The following YBX1 variants were observed in gnomAD, a reference collection of about 807,000 sequenced individuals.
YBX1 encodes the protein Y-box binding protein 1.
A neutral mutation model predicts 41.4 loss-of-function variants in YBX1; 3 were observed. The observed-to-expected ratio is 0.07, with a 90% CI of 0.03 to 0.19. The LOEUF is 0.19. Among genes scored for constraint, YBX1 ranks in the 10% least tolerant of loss-of-function variants. The pLI is 1.00. For missense variants in YBX1, 274 were observed against 462.8 expected, an observed-to-expected ratio of 0.59 and a Z score of 3.74; for synonymous variants, 133 against 165.8, an observed-to-expected ratio of 0.80 and a Z score of 1.52.
At chr1:42,695,580 C>A (rs192957080) in intron 3 of YBX1, among the ~76,000 whole-genome samples, 4 of 152,188 alleles carry the variant, frequency 2.6e-5, no homozygotes, top group Non-Finnish European at 5.9e-5. Flanking sequence ...GTAGAAGCAA[C>A]AAGTCTCTAA....
chr1:42,692,673 C>A (rs533309834), intron 2 of YBX1, among the ~76,000 whole-genome samples: 1 of 152,224 alleles, frequency 6.6e-6, no homozygotes, highest in Non-Finnish European at 1.5e-5. Flanking sequence ...CTTTTTCTCA[C>A]TCTGACCTGA....
chr1:42,683,898 A>T (rs1650126124), intron 2 of YBX1, among the ~76,000 whole-genome samples: 1 of 152,134 alleles, frequency 6.6e-6, no homozygotes, highest in African/African-American at 2.4e-5. Context: ...AGAGGATTTG[A>T]CTATATGAGG....
chr1:42,690,319 A>G (rs1006420343), intron 2 of YBX1, among the ~76,000 whole-genome samples: 3 of 151,512 alleles, frequency 2.0e-5, no homozygotes, highest in Admixed American at 6.6e-5. Context: ...TTTTAACACC[A>G]TATTTAAGTT....
Position 42,703,256 on chromosome 1 carries a change from A to G in YBX1, c.*1307A>G, listed in dbSNP as rs528394387. On this transcript the variant is annotated 3_prime_UTR_variant, in exon 8 of 8. Transcript: ENST00000321358. ...CTTTTGTTTTCTAATGTTTTGTTAGATGTTCTTTGGCTTGCTTTGTGAAAT... is the reference window on the plus strand; with the variant it reads ...CTTTTGTTTTCTAATGTTTTGTTAGGTGTTCTTTGGCTTGCTTTGTGAAAT... Among the ~76,000 whole-genome samples the G allele has an allele frequency of 4.6e-5, 7 of 152,074 alleles. No individual in the cohort carries two copies. Among genetic ancestry groups the G allele is most frequent in the African/African-American group, 1.7e-4 (7 of 41,484 alleles).
chr1:42,696,496 T>C lies in YBX1; in HGVS notation c.355-146T>C. 1.0e-6 allele frequency: 1 copy of C among 977,264 alleles called. No individual in the cohort carries two copies. Among genetic ancestry groups the C allele is most frequent in the Admixed American group, 2.9e-5 (1 of 34,196 alleles). 60.5% of individuals were successfully genotyped at this position (977,264 alleles called of 1,614,324 possible). A position where few individuals can be genotyped will look rare whatever the true frequency, so the allele number is the denominator to read the frequency against. On this transcript the variant is annotated intron_variant, in intron 4 of 7. Coordinates refer to ENST00000321358, the MANE Select transcript of YBX1 (RefSeq NM_004559.5). This position sits in a 1 kb window ranked among gnomAD's most constrained non-coding sequence, Gnocchi z 5.7. ...ATATTTAGTCATTTCTGTGCACCCCTGGTCACGCAGTTGCGCCCCCCCCCC... is the reference window on the plus strand; with the variant it reads ...ATATTTAGTCATTTCTGTGCACCCCCGGTCACGCAGTTGCGCCCCCCCCCC...
chr1:42,682,977 C>G (rs918770499), intron 1 of YBX1: 6 of 162,580 alleles, frequency 3.7e-5, no homozygotes, highest in African/African-American at 1.5e-4. Flanking sequence ...TGCGGCCGCG[C>G]GCCGCCGACC....
chr1:42,701,089 T>C, intron 7 of YBX1, 43 bp downstream of exon 7: 1 of 1,457,650 alleles, frequency 6.9e-7, no homozygotes, highest in Non-Finnish European at 9.5e-7. Flanking sequence ...CAGTCGTGAG[T>C]GGTGACCATT....
At chr1:42,699,618 G>GT (rs1477963933) in intron 6 of YBX1, among the ~76,000 whole-genome samples, 2,269 of 128,364 alleles carry the variant, frequency 0.018, 61 homozygotes, top group African/African-American at 0.056. Flanking sequence ...AATGAGGGTT[G>GT]TTTTTTTTTT....
chr1:42,702,054 A>G lies in YBX1; in HGVS notation c.*105A>G, dbSNP rs1018962894. On this transcript the variant is annotated 3_prime_UTR_variant, in exon 8 of 8. Coordinates refer to ENST00000321358, the MANE Select transcript of YBX1 (RefSeq NM_004559.5). ...AACAAAAGATTGGAGCTGAAGACCT[A>G]AAGTGCTTGCTTTTTGCCCGTTGAC... 6.4e-6 allele frequency: 1 copy of G among 157,306 alleles called. No homozygotes were observed. The highest frequency in any genetic ancestry group is 2.4e-5 in the African/African-American group (1 of 41,468). The allele number at this position is 157,306 out of a possible 1,614,324, so 9.7% of individuals were successfully genotyped here.
intron 1 of YBX1, 167 bp from the exon 2 acceptor site, chr1:42,683,236 G>T: frequency 1.3e-6 from 1 of 789,016 alleles, no homozygotes; most frequent in Non-Finnish European, 2.2e-6. Flanking sequence ...TCACCCACGT[G>T]TGCGGCGGCG....
At chr1:42,684,671 A>G (rs1050163814) in intron 2 of YBX1, among the ~76,000 whole-genome samples, 8 of 152,150 alleles carry the variant, frequency 5.3e-5, no homozygotes, top group Non-Finnish European at 1.0e-4. Context: ...AGGATTTTCC[A>G]TCTTGTTATA....
chr1:42,701,120 T>C (rs1336951973), intron 7 of YBX1, 74 bp downstream of exon 7: 2 of 1,071,484 alleles, frequency 1.9e-6, no homozygotes, highest in African/African-American at 3.2e-5. Context: ...AATGCAAGAG[T>C]AGAAAAACCT....
At chr1:42,690,934 T>A (rs2148737805) in intron 2 of YBX1, among the ~76,000 whole-genome samples, 1 of 152,316 alleles carries the variant, frequency 6.6e-6, no homozygotes, top group South Asian at 2.1e-4. Flanking sequence ...CAGTGTTAAT[T>A]TCCCAGCAAA....
intron 2 of YBX1, among the ~76,000 whole-genome samples, chr1:42,687,838 A>G (rs1342925229): frequency 6.6e-6 from 1 of 152,204 alleles, no homozygotes; most frequent in Non-Finnish European, 1.5e-5. Flanking sequence ...CAGTAGATCC[A>G]TTGCTAAGCC....
intron 1 of YBX1, 60 bp downstream of exon 1, chr1:42,682,791 G>C: frequency 8.8e-7 from 1 of 1,135,644 alleles, no homozygotes; most frequent in Non-Finnish European, 1.1e-6. Context: ...GGAACCGTTA[G>C]CCGGAGCTGG....
At chr1:42,687,897 C>T (rs1454757997) in intron 2 of YBX1, among the ~76,000 whole-genome samples, 2 of 152,156 alleles carry the variant, frequency 1.3e-5, no homozygotes, top group Non-Finnish European at 2.9e-5. Flanking sequence ...TGTTTTGGCA[C>T]TAGGGAAGGT....
Position 42,696,394 on chromosome 1 carries a change from C to G in YBX1, c.354+106C>G. The G allele has an allele frequency of 2.5e-6, 3 of 1,179,752 alleles. No homozygotes were observed. Among genetic ancestry groups the G allele is most frequent in the South Asian group, 1.5e-5 (1 of 66,708 alleles). The allele number at this position is 1,179,752 out of a possible 1,614,324, so 73.1% of individuals were successfully genotyped here. ...ATGTGGATGGATGTGTTCAGGTGAC[C>G]TCATGAACACAGGTGCATCAAGCCT... On this transcript the variant is annotated intron_variant, in intron 4 of 7. Coordinates refer to ENST00000321358, the MANE Select transcript of YBX1 (RefSeq NM_004559.5). This position sits in a 1 kb window ranked among gnomAD's most constrained non-coding sequence, Gnocchi z 5.7.
In YBX1 at chr1:42,696,614, C is replaced by A; in HGVS notation, c.355-28C>A. 3 of 1,340,572 alleles carry A rather than the reference C, an allele frequency of 2.2e-6. No individual in the cohort carries two copies. The highest frequency in any genetic ancestry group is 2.1e-4 in the Middle Eastern group (1 of 4,746). The allele number at this position is 1,340,572 out of a possible 1,614,324, so 83.0% of individuals were successfully genotyped here. A position where few individuals can be genotyped will look rare whatever the true frequency, so the allele number is the denominator to read the frequency against. ...TTGAAAGTGTTCTGATTTCCTTTGT[C>A]ACTATCAATATGTAATGGCTTTTGT... is the stretch of plus-strand genomic sequence containing the variant. On this transcript the variant is annotated intron_variant, in intron 4 of 7. Coordinates refer to ENST00000321358, the MANE Select transcript of YBX1 (RefSeq NM_004559.5). This position sits in a 1 kb window ranked among gnomAD's most constrained non-coding sequence, Gnocchi z 5.7.
chr1:42,691,505 CG>C (rs1650326280), intron 2 of YBX1, among the ~76,000 whole-genome samples: 1 of 151,990 alleles, frequency 6.6e-6, no homozygotes, highest in Non-Finnish European at 1.5e-5. Context: ...GGTCTCGCCA[CG>C]TAACTACTTT....
Sources: gnomAD v4.1 joint callset for allele counts (sites outside exome capture counted in the v4.1 genomes callset) on GRCh38, gnomAD v4.1.1 for gene constraint, Gnocchi (gnomAD v3.1) non-coding constraint, MANE v1.5 for transcripts, NCBI Gene and HGNC (gene_info 2026-07-23, HGNC 2026-07-21) for gene names.